CCDC138: variants seen among roughly 807,000 people sequenced by gnomAD.
CCDC138 encodes coiled-coil domain-containing protein 138.
CCDC138 carries 66 observed loss-of-function variants against 82.3 expected under a neutral mutation model. That is an observed-to-expected ratio of 0.80 (90% CI 0.66 to 0.98). CCDC138 has a LOEUF of 0.98. CCDC138 is among the 50% of genes least tolerant of loss of function. CCDC138 has a pLI of 0.00. For synonymous variants in CCDC138, 297 were observed against 265.4 expected (o/e 1.12, Z -1.16); for missense variants, 816 against 758.9 (o/e 1.08, Z -0.88).
chr2:108,821,074 G>A (rs1685612961), intron 10 of CCDC138, among the ~76,000 whole-genome samples: 1 of 152,106 alleles, frequency 6.6e-6, no homozygotes, highest in South Asian at 2.1e-4. Context: ...GATATAATTT[G>A]TGGCCGGGTG....
intron 10 of CCDC138, among the ~76,000 whole-genome samples, chr2:108,822,321 C>G (rs1685842767): frequency 1.3e-5 from 2 of 152,060 alleles, no homozygotes; most frequent in South Asian, 4.2e-4. Context: ...CAAACATTGA[C>G]AGAATTGAAG....
chr2:108,876,984 A>G (rs1167142919), downstream of CCDC138, among the ~76,000 whole-genome samples: 1 of 152,228 alleles, frequency 6.6e-6, no homozygotes, highest in Non-Finnish European at 1.5e-5. Flanking sequence ...ACTGAGAAAC[A>G]TTGTTTTAAA....
At chr2:108,861,681 A>G (rs1693641013) in intron 13 of CCDC138, among the ~76,000 whole-genome samples, 1 of 152,034 alleles carries the variant, frequency 6.6e-6, no homozygotes, top group Non-Finnish European at 1.5e-5. Context: ...GGGTTTCACC[A>G]TATTGGCCAG....
intron 7 of CCDC138, among the ~76,000 whole-genome samples, chr2:108,808,802 AT>A (rs1474231007): frequency 1.3e-5 from 2 of 151,892 alleles, no homozygotes; most frequent in African/African-American, 2.4e-5. Context: ...TGCAGGTTGT[AT>A]CATTATTCTT....
At chr2:108,820,551 T>C (rs1685508838) in intron 10 of CCDC138, among the ~76,000 whole-genome samples, 1 of 152,082 alleles carries the variant, frequency 6.6e-6, no homozygotes, top group East Asian at 1.9e-4. Context: ...TATAATCAAA[T>C]TGTCAAAAGT....
chr2:108,854,050 TTTATA>T (rs1472158442), intron 12 of CCDC138, among the ~76,000 whole-genome samples: 43 of 116,998 alleles, frequency 3.7e-4, no homozygotes, highest in African/African-American at 1.5e-3. Context: ...ATATAATAAA[TTTATA>T]TTATATATAT....
At chr2:108,838,584 A>G (rs999409040) in intron 10 of CCDC138, among the ~76,000 whole-genome samples, 1 of 152,160 alleles carries the variant, frequency 6.6e-6, no homozygotes, top group Non-Finnish European at 1.5e-5. Context: ...TCCTGAAATC[A>G]TTTAGCAAAA....
intron 10 of CCDC138, among the ~76,000 whole-genome samples, chr2:108,818,545 T>G (rs1685154907): frequency 6.6e-6 from 1 of 152,162 alleles, no homozygotes; most frequent in East Asian, 1.9e-4. Flanking sequence ...TTTTAAGGTG[T>G]ATAAATAAGC....
chr2:108,852,581 A>G (rs912249972), intron 12 of CCDC138, among the ~76,000 whole-genome samples: 2 of 152,220 alleles, frequency 1.3e-5, no homozygotes, highest in Admixed American at 6.5e-5. Flanking sequence ...ATTAAAAAGA[A>G]TGAGATTATG....
chr2:108,883,315 TAAG>T (rs943992923), intron 2 of CCDC138: 1 of 152,210 alleles, frequency 6.6e-6, no homozygotes, highest in African/African-American at 2.4e-5. Flanking sequence ...GTCAGTTCTG[TAAG>T]ATGAAGATGG....
chr2:108,852,606 A>G (rs1474322286), intron 12 of CCDC138, among the ~76,000 whole-genome samples: 2 of 152,352 alleles, frequency 1.3e-5, no homozygotes, highest in East Asian at 3.9e-4. Flanking sequence ...TTGCAGGGAC[A>G]TGGATGGACT....
intron 10 of CCDC138, among the ~76,000 whole-genome samples, chr2:108,833,868 C>T (rs1207587770): frequency 6.8e-6 from 1 of 146,940 alleles, no homozygotes; most frequent in African/African-American, 2.5e-5. Flanking sequence ...GCTGGGACTA[C>T]AGGCGCCCGC....
intron 11 of CCDC138, among the ~76,000 whole-genome samples, chr2:108,844,866 C>T (rs1175706901): frequency 6.6e-6 from 1 of 151,620 alleles, no homozygotes; most frequent in African/African-American, 2.4e-5. Flanking sequence ...TCCTGCCTCA[C>T]CCTCCTGAAT....
chr2:108,819,547 A>G lies in CCDC138; in HGVS notation c.1206+3442A>G, dbSNP rs147742780. 4.3e-3 allele frequency among the ~76,000 whole-genome samples: 648 copies of G among 152,280 alleles called. 6 individuals carry two copies. The highest frequency in any genetic ancestry group is 0.02 in the Middle Eastern group (6 of 294). On this transcript the variant is annotated intron_variant, in intron 10 of 14. Transcript: ENST00000295124. Reference sequence around the variant, plus strand: ...TGGAAGAGGTCTGAGGGACACAGCGATTATGGGTTTCTGAGAGGAAACAGC... The same window carrying G: ...TGGAAGAGGTCTGAGGGACACAGCGGTTATGGGTTTCTGAGAGGAAACAGC...
chr2:108,850,131 A>G (rs1691205442), intron 12 of CCDC138, among the ~76,000 whole-genome samples: 2 of 152,200 alleles, frequency 1.3e-5, no homozygotes, highest in Admixed American at 6.5e-5. Flanking sequence ...TTTATCGTTA[A>G]ATATACTGAA....
intron 4 of CCDC138, among the ~76,000 whole-genome samples, chr2:108,792,783 G>A (rs553463180): frequency 6.6e-6 from 1 of 152,222 alleles, no homozygotes; most frequent in Admixed American, 6.5e-5. Context: ...ACTGAGCGTC[G>A]GCCAGGCGCG....
At chr2:108,853,900 T>TTA (rs1163208786) in intron 12 of CCDC138, among the ~76,000 whole-genome samples, 1 of 119,074 alleles carries the variant, frequency 8.4e-6, no homozygotes, top group African/African-American at 3.7e-5. Flanking sequence ...AGTATATATA[T>TTA]TATATATTAT....
At chr2:108,794,397 T>G in intron 4 of CCDC138, 143 bp from the exon 5 acceptor site, 1 of 727,144 alleles carries the variant, frequency 1.4e-6, no homozygotes, top group Non-Finnish European at 2.1e-6. Flanking sequence ...CTTTACCATA[T>G]TTGCTATATT....
intron 10 of CCDC138, among the ~76,000 whole-genome samples, chr2:108,838,796 T>C (rs1688989637): frequency 1.3e-5 from 2 of 152,112 alleles, no homozygotes; most frequent in Admixed American, 1.3e-4. Flanking sequence ...ATAAATGAGA[T>C]TTTTATTCCA....
Sources: allele counts gnomAD v4.1 joint callset (sites outside exome capture counted in the v4.1 genomes callset), GRCh38; gene constraint gnomAD v4.1.1; transcripts MANE v1.5; gene names NCBI Gene and HGNC (gene_info 2026-07-23, HGNC 2026-07-21).